RUNX1: variants seen among roughly 807,000 people sequenced by gnomAD.
The protein encoded by RUNX1 is RUNX family transcription factor 1.
RUNX1 carries 19 observed loss-of-function variants against 42.8 expected under a neutral mutation model. The observed-to-expected ratio is 0.44, with a 90% confidence interval of 0.31 to 0.65. The LOEUF is 0.65. Ranked by LOEUF, RUNX1 falls within the 30% of genes least tolerant of loss-of-function variation. The probability of loss-of-function intolerance (pLI) is 0.07; values close to 1 mark genes in which losing one functional copy is unlikely to be tolerated. For synonymous variants in RUNX1, 271 were observed against 289.4 expected, an observed-to-expected ratio of 0.94 and a Z score of 0.64; for missense variants, 528 against 672.0, an observed-to-expected ratio of 0.79 and a Z score of 2.37.
chr21:34,832,684 G>GC (rs2057080409), intron 7 of RUNX1, among the ~76,000 whole-genome samples: 1 of 152,048 alleles, frequency 6.6e-6, no homozygotes, highest in African/African-American at 2.4e-5. Flanking sequence ...GTATTGTTTT[G>GC]CCCCAAGCCC....
intron 2 of RUNX1, among the ~76,000 whole-genome samples, chr21:34,967,274 C>T (rs952058729): frequency 8.4e-5 from 10 of 119,546 alleles, no homozygotes; most frequent in African/African-American, 1.3e-4. Flanking sequence ...GAGCCAAAAT[C>T]GCATCATTGC....
At chr21:34,916,028 T>C (rs1446779931) in intron 2 of RUNX1, among the ~76,000 whole-genome samples, 1 of 152,150 alleles carries the variant, frequency 6.6e-6, no homozygotes, top group Non-Finnish European at 1.5e-5. Flanking sequence ...GAAGAGTTTT[T>C]TGTGTGTGTG....
chr21:34,868,159 T>C (rs1473015126), intron 5 of RUNX1, among the ~76,000 whole-genome samples: 2 of 152,048 alleles, frequency 1.3e-5, no homozygotes, highest in African/African-American at 4.8e-5. Context: ...AGAGGGAAGC[T>C]TGAGGCAAGC....
intron 2 of RUNX1, among the ~76,000 whole-genome samples, chr21:34,979,257 G>C (rs1002481179): frequency 3.3e-5 from 5 of 151,962 alleles, no homozygotes; most frequent in African/African-American, 1.2e-4. Context: ...TATGCTCCAA[G>C]ATATGCCTCA....
chr21:35,030,390 G>A (rs1485664669), intron 2 of RUNX1, among the ~76,000 whole-genome samples: 1 of 152,048 alleles, frequency 6.6e-6, no homozygotes, highest in Non-Finnish European at 1.5e-5. Flanking sequence ...ATATTTTAAG[G>A]TGACAAGCAT....
chr21:34,881,904 A>T (rs1461963235), intron 4 of RUNX1, among the ~76,000 whole-genome samples: 2 of 152,208 alleles, frequency 1.3e-5, no homozygotes, highest in Non-Finnish European at 2.9e-5. Flanking sequence ...GCAGTCATAC[A>T]ACTTCAAATC....
intron 2 of RUNX1, among the ~76,000 whole-genome samples, chr21:34,992,419 T>C (rs1192856124): frequency 6.6e-6 from 1 of 152,162 alleles, no homozygotes; most frequent in Non-Finnish European, 1.5e-5. Context: ...ACCTGGGGCT[T>C]CAATCTCCCT....
At chr21:34,957,964 GGTTT>G (rs1291579314) in intron 2 of RUNX1, among the ~76,000 whole-genome samples, 3 of 152,132 alleles carry the variant, frequency 2.0e-5, no homozygotes, top group Admixed American at 2.0e-4. Context: ...TCTTGCCAGT[GGTTT>G]GTTTGTACAA....
At position 34,933,939 on chromosome 21, in the gene RUNX1, C is replaced by T. The variant is rs117158689; in HGVS notation, c.59-40976G>A. Among the ~76,000 whole-genome samples the T allele has an allele frequency of 1.4e-4, 21 of 152,298 alleles. 1 individual carries two copies. The East Asian group carries it at 3.7e-3, about 27-fold the overall frequency. On this transcript the variant is annotated intron_variant, in intron 2 of 8. Coordinates refer to ENST00000675419, the MANE Select transcript of RUNX1 (RefSeq NM_001754.5). ...GCTACTTGGCCAGAACTTAGAGATG[C>T]TTGGATTTCCCAGTGGCTACCTGGG...
intron 2 of RUNX1, among the ~76,000 whole-genome samples, chr21:34,936,243 G>T (rs1265456290): frequency 6.6e-6 from 1 of 151,654 alleles, no homozygotes; most frequent in African/African-American, 2.4e-5. Flanking sequence ...ATATTCATTT[G>T]TGATAACTAC....
intron 3 of RUNX1, chr21:34,889,691 CGG>C (rs1448917281): frequency 1.7e-6 from 2 of 1,167,694 alleles, no homozygotes; most frequent in South Asian, 3.8e-5. Context: ...GCTTCGCGTG[CGG>C]GCGGCCGCTT....
At chr21:35,047,940 G>A (rs563002233) in intron 2 of RUNX1, among the ~76,000 whole-genome samples, 11 of 152,088 alleles carry the variant, frequency 7.2e-5, no homozygotes, top group East Asian at 3.9e-4. Flanking sequence ...CTTTTACCAC[G>A]AAAGATACAC....
intron 3 of RUNX1, chr21:34,887,739 A>T (rs1601531020): frequency 1.9e-6 from 2 of 1,060,678 alleles, no homozygotes; most frequent in East Asian, 1.0e-4. Context: ...AAATATTTAC[A>T]ATACAATCTG....
intron 5 of RUNX1, among the ~76,000 whole-genome samples, chr21:34,869,716 A>G (rs188260312): frequency 5.9e-5 from 9 of 152,346 alleles, no homozygotes; most frequent in African/African-American, 2.2e-4. Flanking sequence ...GAAGTCCTCA[A>G]GTAGTCCAAG....
At chr21:34,875,664 A>G (rs1429554145) in intron 5 of RUNX1, among the ~76,000 whole-genome samples, 1 of 152,216 alleles carries the variant, frequency 6.6e-6, no homozygotes, top group Non-Finnish European at 1.5e-5. Context: ...TGAATCTGTT[A>G]ATAGAATAGA....
chr21:34,962,078 T>C (rs1331689684), intron 2 of RUNX1, among the ~76,000 whole-genome samples: 2 of 152,140 alleles, frequency 1.3e-5, no homozygotes, highest in Non-Finnish European at 2.9e-5. Context: ...AAAAAATTTT[T>C]TGTAGAGACT....
At chr21:34,971,320 G>T (rs1160947151) in intron 2 of RUNX1, among the ~76,000 whole-genome samples, 1 of 152,102 alleles carries the variant, frequency 6.6e-6, no homozygotes, top group East Asian at 1.9e-4. Context: ...TCCCTTAATT[G>T]ATTTCTAAAT....
intron 2 of RUNX1, among the ~76,000 whole-genome samples, chr21:35,029,197 C>T (rs930543039): frequency 6.6e-6 from 1 of 152,086 alleles, no homozygotes; most frequent in East Asian, 1.9e-4. Context: ...AAATGCCCAA[C>T]TCCAAGCTCA....
chr21:34,980,303 C>T (rs1418906442), intron 2 of RUNX1, among the ~76,000 whole-genome samples: 2 of 152,186 alleles, frequency 1.3e-5, no homozygotes, highest in African/African-American at 4.8e-5. Context: ...AGAGACCACA[C>T]AATTTATTCA....
Sources: gnomAD v4.1 joint callset for allele counts (sites outside exome capture counted in the v4.1 genomes callset) on GRCh38, gnomAD v4.1.1 for gene constraint, MANE v1.5 for transcripts, NCBI Gene and HGNC (gene_info 2026-07-23, HGNC 2026-07-21) for gene names.